Variants in CNTNAP2 observed in about 807,000 individuals in gnomAD.
CNTNAP2 encodes the protein contactin-associated protein-like 2.
CNTNAP2 carries 98 observed loss-of-function variants against 155.2 expected under a neutral mutation model. The ratio of observed to expected loss-of-function variants is 0.63; its 90% CI spans 0.54 to 0.75. The LOEUF is 0.75. Among genes scored for constraint, CNTNAP2 ranks in the 30% least tolerant of loss-of-function variants. The probability of loss-of-function intolerance (pLI) is 0.00; values close to 1 mark genes in which losing one functional copy is unlikely to be tolerated. For missense variants in CNTNAP2, 1,727 were observed against 1,688.1 expected, an observed-to-expected ratio of 1.02 and a Z score of -0.40; for synonymous variants, 651 against 631.2, an observed-to-expected ratio of 1.03 and a Z score of -0.47.
chr7:147,457,626 GC>G (rs1255574613), intron 10 of CNTNAP2, among the ~76,000 whole-genome samples: 1 of 150,638 alleles, frequency 6.6e-6, no homozygotes, highest in Non-Finnish European at 1.5e-5. Flanking sequence ...ACTGTTATCT[GC>G]CATATGATAG....
chr7:146,550,401 G>GTTTTTTTTTTTTTTTTTTTTTTTTT lies in CNTNAP2; in HGVS notation c.98-223866_98-223842dup, dbSNP rs10673467. Among the ~76,000 whole-genome samples the GTTTTTTTTTTTTTTTTTTTTTTTTT allele has an allele frequency of 3.7e-5, 2 of 54,382 alleles. 1 individual carries two copies. The highest frequency in any genetic ancestry group is 1.4e-4 in the African/African-American group (2 of 14,076). The allele number at this position is 54,382 out of a possible 152,430, so 35.7% of individuals were successfully genotyped here. A position where few individuals can be genotyped will look rare whatever the true frequency, so the allele number is the denominator to read the frequency against. On this transcript the variant is annotated intron_variant, in intron 1 of 23. Coordinates refer to ENST00000361727, the MANE Select transcript of CNTNAP2 (RefSeq NM_014141.6). ...TTATAGCAGTGAGGTCCATTAATCT[G>GTTTTTTTTTTTTTTTTTTTTTTTTT]TTTTTTTTTTTTTTTTTTTTTTTTT...
chr7:147,237,084 T>C (rs1189537852), intron 8 of CNTNAP2, among the ~76,000 whole-genome samples: 1 of 102,810 alleles, frequency 9.7e-6, no homozygotes, highest in Non-Finnish European at 1.9e-5. Context: ...TTTTTTTTTT[T>C]TGACAGTGTC....
chr7:146,264,365 C>T (rs1422569305), intron 1 of CNTNAP2, among the ~76,000 whole-genome samples: 5 of 151,668 alleles, frequency 3.3e-5, no homozygotes, highest in African/African-American at 9.7e-5. Flanking sequence ...ACAGGAGAGT[C>T]GCTTGAACCA....
intron 1 of CNTNAP2, among the ~76,000 whole-genome samples, chr7:146,133,339 A>G (rs1375893967): frequency 6.6e-6 from 1 of 151,204 alleles, no homozygotes; most frequent in African/African-American, 2.4e-5. Context: ...GTAGGTTGTG[A>G]AAATTTTCTC....
At chr7:147,167,837 G>T (rs1400092218) in intron 8 of CNTNAP2, among the ~76,000 whole-genome samples, 1 of 152,052 alleles carries the variant, frequency 6.6e-6, no homozygotes, top group Non-Finnish European at 1.5e-5. Context: ...TAAGACTGCT[G>T]CAATCACATT....
chr7:147,634,750 T>C (rs1795148928), intron 12 of CNTNAP2, among the ~76,000 whole-genome samples: 1 of 152,190 alleles, frequency 6.6e-6, no homozygotes, highest in South Asian at 2.1e-4. Context: ...AGTATATCAA[T>C]AAATAAGTTA....
At chr7:146,560,668 AAT>A (rs1389970032) in intron 1 of CNTNAP2, among the ~76,000 whole-genome samples, 1 of 152,144 alleles carries the variant, frequency 6.6e-6, no homozygotes, top group African/African-American at 2.4e-5. Flanking sequence ...GTAGAGTGAG[AAT>A]ATGTCAGTTT....
chr7:147,066,622 A>G (rs966977970), intron 4 of CNTNAP2, among the ~76,000 whole-genome samples: 5 of 152,166 alleles, frequency 3.3e-5, no homozygotes, highest in Admixed American at 6.6e-5. Context: ...GACTCTAACG[A>G]GTTTTTCTTA....
At chr7:147,291,696 C>G (rs779633213) in intron 8 of CNTNAP2, among the ~76,000 whole-genome samples, 4 of 152,016 alleles carry the variant, frequency 2.6e-5, no homozygotes, top group Non-Finnish European at 4.4e-5. Context: ...ATATGTTTAA[C>G]TTTATTAAAA....
intron 13 of CNTNAP2, among the ~76,000 whole-genome samples, chr7:147,742,645 G>A (rs1796973590): frequency 1.3e-5 from 2 of 152,176 alleles, no homozygotes; most frequent in African/African-American, 4.8e-5. Context: ...TTTCGCTCAT[G>A]TAGAGTAGGA....
chr7:147,706,027 G>A (rs1247402533), intron 13 of CNTNAP2, among the ~76,000 whole-genome samples: 1 of 151,822 alleles, frequency 6.6e-6, no homozygotes, highest in Non-Finnish European at 1.5e-5. Context: ...TAAGTGGAAG[G>A]TTTAACCTAT....
chr7:147,618,111 T>G (rs887404691), intron 12 of CNTNAP2, among the ~76,000 whole-genome samples: 1 of 152,170 alleles, frequency 6.6e-6, no homozygotes, highest in African/African-American at 2.4e-5. Flanking sequence ...AGAAGAAATT[T>G]AAAGATATAG....
intron 1 of CNTNAP2, among the ~76,000 whole-genome samples, chr7:146,559,898 G>A (rs546298872): frequency 2.0e-4 from 30 of 152,038 alleles, no homozygotes; most frequent in African/African-American, 5.5e-4. Context: ...TTAAATGCCC[G>A]TCTCCTTCCT....
chr7:146,692,587 A>G (rs1450782242), intron 1 of CNTNAP2, among the ~76,000 whole-genome samples: 1 of 152,206 alleles, frequency 6.6e-6, no homozygotes, highest in Non-Finnish European at 1.5e-5. Context: ...AAAGAATTAA[A>G]ATAGATAAAG....
chr7:146,835,894 C>T (rs553296940), intron 2 of CNTNAP2, among the ~76,000 whole-genome samples: 1 of 152,236 alleles, frequency 6.6e-6, no homozygotes, highest in Non-Finnish European at 1.5e-5. Flanking sequence ...GTGAAGACAC[C>T]TCAGAGTTTC....
chr7:146,561,272 C>G (rs1380491684), intron 1 of CNTNAP2, among the ~76,000 whole-genome samples: 1 of 152,064 alleles, frequency 6.6e-6, no homozygotes, highest in Non-Finnish European at 1.5e-5. Context: ...AATTGTACAA[C>G]CAGAATTTAC....
intron 13 of CNTNAP2, among the ~76,000 whole-genome samples, chr7:147,778,070 G>T (rs1213198554): frequency 6.6e-6 from 1 of 152,072 alleles, no homozygotes; most frequent in East Asian, 1.9e-4. Flanking sequence ...TAAGGAATTT[G>T]CAGATAATAG....
intron 1 of CNTNAP2, among the ~76,000 whole-genome samples, chr7:146,236,485 TAC>T (rs770278006): frequency 3.9e-5 from 6 of 152,224 alleles, no homozygotes; most frequent in African/African-American, 1.2e-4. Context: ...AGAGGAATGC[TAC>T]ACAGTCATAT....
At chr7:146,907,129 C>A (rs1007662189) in intron 3 of CNTNAP2, among the ~76,000 whole-genome samples, 2 of 151,946 alleles carry the variant, frequency 1.3e-5, no homozygotes, top group Non-Finnish European at 2.9e-5. Flanking sequence ...ATGAGCAAAG[C>A]CTCCAAGAAA....
Sources: gnomAD v4.1 joint callset for allele counts (sites outside exome capture counted in the v4.1 genomes callset) on GRCh38, gnomAD v4.1.1 for gene constraint, MANE v1.5 for transcripts, NCBI Gene and HGNC (gene_info 2026-07-23, HGNC 2026-07-21) for gene names.